The following SLC17A1 variants were observed in gnomAD, a reference collection of about 807,000 sequenced individuals.
SLC17A1 encodes the protein sodium-dependent phosphate transport protein 1.
Under a neutral mutation model 53.5 loss-of-function variants are expected in SLC17A1, and 51 were observed. The observed-to-expected ratio is 0.95, with a 90% confidence interval of 0.76 to 1.20. The LOEUF (loss-of-function observed/expected upper bound fraction) is 1.20, where lower values mean the gene tolerates loss of function less well. Among genes scored for constraint, SLC17A1 ranks in the 50% most tolerant of loss-of-function variants. The pLI, the probability that SLC17A1 is intolerant of heterozygous loss-of-function variation, is 0.00. For missense variants in SLC17A1, 538 were observed against 568.2 expected (o/e 0.95, Z 0.54); for synonymous variants, 179 against 198.8 (o/e 0.90, Z 0.84).
At chr6:25,778,265 G>GA (rs1027637621), downstream of SLC17A1, among the ~76,000 whole-genome samples, 8 of 151,582 alleles carry the variant, frequency 5.3e-5, no homozygotes, top group Non-Finnish European at 7.4e-5. Context: ...TCATTTACTG[G>GA]AAAAAAACAC....
At chr6:25,777,283 T>C in the SLC17A1 span, 10 of 258,040 alleles carry the variant, frequency 3.9e-5, no homozygotes, top group East Asian at 2.6e-4. Flanking sequence ...TGAGATTCTA[T>C]AGGGTATGCT....
At chr6:25,733,854 C>G in the SLC17A1 span, among the ~76,000 whole-genome samples, 217 of 150,356 alleles carry the variant, frequency 1.4e-3, 2 homozygotes, top group East Asian at 0.018. Flanking sequence ...GAGTATTGCT[C>G]TGTCGCCCAG....
At chr6:25,770,590 A>G in the SLC17A1 span, 1 of 906,726 alleles carries the variant, frequency 1.1e-6, no homozygotes, top group Non-Finnish European at 1.8e-6. Context: ...CTTTCCTTAA[A>G]GCACTACCCC....
At chr6:25,779,244 C>A, downstream of SLC17A1, 5 of 1,601,528 alleles carry the variant, frequency 3.1e-6, no homozygotes, top group Non-Finnish European at 4.3e-6. Context: ...TTTTCCCTCA[C>A]AGACATTTCT....
chr6:25,823,314 T>C (rs953498015), intron 3 of SLC17A1, among the ~76,000 whole-genome samples: 2 of 152,162 alleles, frequency 1.3e-5, no homozygotes, highest in Non-Finnish European at 2.9e-5. Flanking sequence ...TATGCTTTTA[T>C]TTCTCTTCAG....
chr6:25,809,748 G>A (rs1012559712), intron 10 of SLC17A1, among the ~76,000 whole-genome samples: 13 of 151,964 alleles, frequency 8.6e-5, no homozygotes, highest in Admixed American at 2.6e-4. Flanking sequence ...GACATGTTTC[G>A]CAGAAATAGA....
intron 3 of SLC17A1, among the ~76,000 whole-genome samples, chr6:25,821,229 C>CT (rs1281579953): frequency 6.6e-6 from 1 of 152,076 alleles, no homozygotes; most frequent in Non-Finnish European, 1.5e-5. Flanking sequence ...ACTATTATCC[C>CT]TCCATTCTTC....
chr6:25,831,044 CT>C (rs913956033), intron 1 of SLC17A1, among the ~76,000 whole-genome samples: 1 of 152,046 alleles, frequency 6.6e-6, no homozygotes, highest in African/African-American at 2.4e-5. Context: ...AAACAAATTC[CT>C]TTTTTCCCCC....
the SLC17A1 span, among the ~76,000 whole-genome samples, chr6:25,759,790 G>C: frequency 6.6e-6 from 1 of 152,186 alleles, no homozygotes; most frequent in African/African-American, 2.4e-5. Context: ...ATCTCTTGAA[G>C]ACTATAGATA....
chr6:25,758,814 T>G, the SLC17A1 span, among the ~76,000 whole-genome samples: 1 of 152,196 alleles, frequency 6.6e-6, no homozygotes, highest in African/African-American at 2.4e-5. Context: ...GCTCTGATCT[T>G]GGTTATTTCT....
the SLC17A1 span, chr6:25,726,048 C>T: frequency 1.5e-6 from 2 of 1,292,532 alleles, no homozygotes; most frequent in Non-Finnish European, 2.1e-6. Flanking sequence ...AACGTACAGC[C>T]TTTTTCTGAG....
At chr6:25,812,798 GA>G (rs1764204237) in intron 8 of SLC17A1, 32 bp downstream of exon 8, 2 of 1,521,932 alleles carry the variant, frequency 1.3e-6, no homozygotes, top group Non-Finnish European at 1.8e-6. Flanking sequence ...AGTCTTTCGT[GA>G]AGTTAAAAAA....
chr6:25,814,614 G>C (rs1166856508), intron 6 of SLC17A1, among the ~76,000 whole-genome samples: 4 of 152,134 alleles, frequency 2.6e-5, no homozygotes, highest in Admixed American at 2.0e-4. Context: ...ACATGACCAA[G>C]AAAAAATCAG....
intron 12 of SLC17A1, among the ~76,000 whole-genome samples, chr6:25,788,318 A>G (rs1763427290): frequency 6.6e-6 from 1 of 152,254 alleles, no homozygotes; most frequent in African/African-American, 2.4e-5. Context: ...TGTTACTAAC[A>G]TCATATGACC....
At chr6:25,773,750 C>A in the SLC17A1 span, 2 of 1,500,826 alleles carry the variant, frequency 1.3e-6, no homozygotes, top group Non-Finnish European at 1.8e-6. Flanking sequence ...AATCCTCTGT[C>A]TGTCCCATAG....
At chr6:25,802,985 C>T (rs1436232185) in intron 10 of SLC17A1, among the ~76,000 whole-genome samples, 7 of 118,646 alleles carry the variant, frequency 5.9e-5, no homozygotes, top group South Asian at 2.8e-4. Context: ...CTTGCTCTGT[C>T]GCCCAGGCTG....
the SLC17A1 span, chr6:25,726,986 G>T: frequency 1.2e-6 from 2 of 1,614,144 alleles, no homozygotes; most frequent in Non-Finnish European, 1.7e-6. Flanking sequence ...CCCAGAAAAA[G>T]GAAGGCAAAA....
chr6:25,826,371 G>A (rs1280709359), intron 3 of SLC17A1, 90 bp downstream of exon 3: 1 of 1,025,076 alleles, frequency 9.8e-7, no homozygotes, highest in Non-Finnish European at 1.4e-6. Context: ...TTCAAATATA[G>A]TATCATATCA....
At chr6:25,727,036 T>C in the SLC17A1 span, 2 of 1,614,256 alleles carry the variant, frequency 1.2e-6, no homozygotes, top group Non-Finnish European at 1.7e-6. Context: ...TCTATTTACA[T>C]CTACAAAGTG....
Sources: gnomAD v4.1 joint callset for allele counts (sites outside exome capture counted in the v4.1 genomes callset) on GRCh38, gnomAD v4.1.1 for gene constraint, MANE v1.5 for transcripts, NCBI Gene and HGNC (gene_info 2026-07-23, HGNC 2026-07-21) for gene names.